Variants in CFAP99 observed in about 807,000 individuals in gnomAD.
CFAP99 encodes the protein cilia and flagella associated protein 99.
In CFAP99, 84 loss-of-function variants were observed where a neutral mutation model predicts 82.7. The observed-to-expected ratio is 1.02, with a 90% CI of 0.85 to 1.22. CFAP99 has a LOEUF of 1.22. CFAP99 is among the 50% of genes most tolerant of loss of function. The pLI is 0.00. For synonymous variants in CFAP99, 456 were observed against 429.5 expected (o/e 1.06, Z -0.76); for missense variants, 1,059 against 983.5 (o/e 1.08, Z -1.03).
intron 2 of CFAP99, chr4:2,428,177 C>G (rs1028210799): frequency 1.3e-5 from 2 of 152,476 alleles, no homozygotes; most frequent in Non-Finnish European, 2.9e-5. Flanking sequence ...TCGCCTTGCA[C>G]GTCCAAAACA....
intron 11 of CFAP99, among the ~76,000 whole-genome samples, chr4:2,454,966 C>A (rs1165570660): frequency 6.6e-6 from 1 of 152,144 alleles, no homozygotes; most frequent in Non-Finnish European, 1.5e-5. Flanking sequence ...GTCGCCCAGG[C>A]TGGAGCGCAG....
chr4:2,436,663 CTT>C (rs1733914013), intron 2 of CFAP99, among the ~76,000 whole-genome samples: 1 of 152,214 alleles, frequency 6.6e-6, no homozygotes, highest in South Asian at 2.1e-4. Flanking sequence ...TTATTTCTGT[CTT>C]TGCCCTGACC....
Position 2,450,025 on chromosome 4 carries a change from A to G in CFAP99, c.795+20A>G. On this transcript the variant is annotated intron_variant, in intron 8 of 14. Coordinates refer to ENST00000635017, the Ensembl canonical transcript of CFAP99. ...GTGCAGGTACCGCCCAGCTCTCTCA[A>G]GACCCATCATCGAGGTGCCATCTTC... The G allele has an allele frequency of 6.5e-7, 1 of 1,535,488 alleles. No homozygotes were observed. The highest frequency in any genetic ancestry group is 8.7e-7 in the Non-Finnish European group (1 of 1,146,298).
At chr4:2,458,856 A>C (rs537306339) in exon 12 of CFAP99, 2 of 1,534,892 alleles carry the variant, frequency 1.3e-6, no homozygotes, top group Non-Finnish European at 1.7e-6. Context: ...AAGGGCCGAC[A>C]GCAGACAGGT....
At chr4:2,444,324 CA>C (rs1734113554) in intron 5 of CFAP99, among the ~76,000 whole-genome samples, 1 of 152,218 alleles carries the variant, frequency 6.6e-6, no homozygotes, top group African/African-American at 2.4e-5. Context: ...CACCCCCATT[CA>C]GGCTTCCTCT....
chr4:2,451,910 G>A (rs924946598), intron 10 of CFAP99, among the ~76,000 whole-genome samples: 5 of 151,220 alleles, frequency 3.3e-5, no homozygotes, highest in Non-Finnish European at 7.4e-5. Context: ...CAAACAAGTG[G>A]ATGAAGGGAG....
chr4:2,450,584 C>G (rs191055343), intron 8 of CFAP99, among the ~76,000 whole-genome samples: 1 of 152,148 alleles, frequency 6.6e-6, no homozygotes, highest in Non-Finnish European at 1.5e-5. Context: ...GCGGCTGGGC[C>G]GGGAGCAGAC....
chr4:2,457,708 T>C (rs9997164), intron 11 of CFAP99, among the ~76,000 whole-genome samples: 27,114 of 152,246 alleles, frequency 0.18, 2,681 homozygotes, highest in South Asian at 0.29. Flanking sequence ...CACCTATCCC[T>C]GTCCACTGCT....
chr4:2,460,584 T>G (rs1468379042), intron 14 of CFAP99, among the ~76,000 whole-genome samples: 1 of 152,218 alleles, frequency 6.6e-6, no homozygotes, highest in African/African-American at 2.4e-5. Context: ...AATCAGACAC[T>G]TTAAACACTT....
In CFAP99 at chr4:2,446,636, C is replaced by G. The variant is rs1282769618; in HGVS notation, c.642+1328C>G. Reference sequence around the variant, plus strand: ...CCTAACTGACCTCAGGTGATCTGCCCACCTAGGCCTCCCAAAGTGCTGGGA... The same window carrying G: ...CCTAACTGACCTCAGGTGATCTGCCGACCTAGGCCTCCCAAAGTGCTGGGA... On this transcript the variant is annotated intron_variant, in intron 6 of 14. Coordinates refer to ENST00000635017, the Ensembl canonical transcript of CFAP99. This position sits in a 1 kb window ranked among gnomAD's most constrained non-coding sequence, Gnocchi z 5.0. 6.6e-6 allele frequency among the ~76,000 whole-genome samples: 1 copy of G among 152,152 alleles called. No homozygotes were observed. The highest frequency in any genetic ancestry group is 1.5e-5 in the Non-Finnish European group (1 of 68,028).
intron 11 of CFAP99, among the ~76,000 whole-genome samples, chr4:2,456,583 G>A (rs1290671482): frequency 3.9e-5 from 6 of 152,138 alleles, no homozygotes; most frequent in African/African-American, 1.4e-4. Context: ...GCAATGGTGC[G>A]ATCTCGGCTC....
intron 3 of CFAP99, among the ~76,000 whole-genome samples, chr4:2,437,350 A>G (rs1578469936): frequency 6.6e-6 from 1 of 152,132 alleles, no homozygotes; most frequent in Non-Finnish European, 1.5e-5. Flanking sequence ...GACAAGATGG[A>G]CCCTGTGGCT....
At chr4:2,432,210 C>T (rs1381136113) in intron 2 of CFAP99, among the ~76,000 whole-genome samples, 10 of 152,300 alleles carry the variant, frequency 6.6e-5, no homozygotes, top group African/African-American at 2.4e-4. Context: ...AGCATTGCAT[C>T]TATATCCCAG....
At chr4:2,453,758 G>A (rs908115965) in intron 11 of CFAP99, among the ~76,000 whole-genome samples, 24 of 129,650 alleles carry the variant, frequency 1.9e-4, no homozygotes, top group Non-Finnish European at 1.7e-5. Flanking sequence ...TTTTTTTTTG[G>A]TTCTTTATTT....
chr4:2,422,425 C>T (rs113531837), intron 1 of CFAP99, among the ~76,000 whole-genome samples: 17 of 152,286 alleles, frequency 1.1e-4, no homozygotes, highest in African/African-American at 3.6e-4. Context: ...TTCATTCCTA[C>T]CAGGTCCGCC....
chr4:2,427,340 T>C (rs6842928), intron 2 of CFAP99: 47,413 of 152,708 alleles, frequency 0.31, 8,310 homozygotes, highest in East Asian at 0.52. Flanking sequence ...GGCATGTGCC[T>C]GGGGAACAGG....
At chr4:2,459,175 C>T (rs773394615) in exon 13 of CFAP99, 103 of 1,535,470 alleles carry the variant, frequency 6.7e-5, no homozygotes, top group East Asian at 1.5e-4. Flanking sequence ...GGAGGAGCAG[C>T]GGCGCCGTTG....
In CFAP99 at chr4:2,441,484, G is replaced by A. The variant is rs375015191; in HGVS notation, c.352-1646G>A. 8.5e-4 allele frequency among the ~76,000 whole-genome samples: 130 copies of A among 152,210 alleles called. 3 individuals carry two copies. The East Asian group carries it at 0.022, about 25-fold the overall frequency. On this transcript the variant is annotated intron_variant, in intron 4 of 14. Coordinates refer to ENST00000635017, the Ensembl canonical transcript of CFAP99. ...ATCTCGGCCTGCAGAGCCCCAAAGC[G>A]CCAGCCCAGGACAGAGTGCTCAGGG...
At chr4:2,432,402 A>G (rs1051990283) in intron 2 of CFAP99, among the ~76,000 whole-genome samples, 1 of 152,240 alleles carries the variant, frequency 6.6e-6, no homozygotes, top group African/African-American at 2.4e-5. Context: ...ACATATTACC[A>G]TGCCCAACAG....
Sources: allele counts gnomAD v4.1 joint callset (sites outside exome capture counted in the v4.1 genomes callset), GRCh38; gene constraint gnomAD v4.1.1; non-coding constraint Gnocchi (gnomAD v3.1); transcripts MANE v1.5; gene names NCBI Gene and HGNC (gene_info 2026-07-23, HGNC 2026-07-21).